PAFAH1B1: variants seen among roughly 807,000 people sequenced by gnomAD.
PAFAH1B1 encodes platelet-activating factor acetylhydrolase IB subunit beta.
In PAFAH1B1, 2 loss-of-function variants were observed where a neutral mutation model predicts 57.5. The ratio of observed to expected loss-of-function variants is 0.03; its 90% CI spans 0.01 to 0.11. The LOEUF is 0.11. Ranked by LOEUF, PAFAH1B1 falls within the 10% of genes least tolerant of loss-of-function variation. The probability of loss-of-function intolerance (pLI) is 1.00; values close to 1 mark genes in which losing one functional copy is unlikely to be tolerated. For synonymous variants in PAFAH1B1, 152 were observed against 169.6 expected, an observed-to-expected ratio of 0.90 and a Z score of 0.81; for missense variants, 257 against 512.0, an observed-to-expected ratio of 0.50 and a Z score of 4.81.
rs1303738051 is a variant in PAFAH1B1 at position 2,684,080 on chromosome 17, T to C, written c.*2278T>C. 1 of 152,670 alleles carries C rather than the reference T, an allele frequency of 6.6e-6. No homozygotes were observed. Among genetic ancestry groups the C allele is most frequent in the Non-Finnish European group, 1.5e-5 (1 of 68,048 alleles). 9.5% of individuals were successfully genotyped at this position (152,670 alleles called of 1,614,324 possible). ...GAAACGATTACTCTGTAAACAAAGT[T>C]ATCCTTACTTGGGAGATTGCCACAG... On this transcript the variant is annotated 3_prime_UTR_variant, in exon 11 of 11. Transcript: ENST00000397195.
chr17:2,609,310 C>T (rs996034811), intron 1 of PAFAH1B1, among the ~76,000 whole-genome samples: 15 of 148,452 alleles, frequency 1.0e-4, no homozygotes, highest in Non-Finnish European at 3.0e-5. Flanking sequence ...GCGCCCGGCT[C>T]CCGCTGCCTG....
intron 8 of PAFAH1B1, among the ~76,000 whole-genome samples, chr17:2,675,650 A>G (rs963017572): frequency 1.5e-5 from 2 of 131,282 alleles, no homozygotes; most frequent in African/African-American, 5.4e-5. Flanking sequence ...TTTTTTTTTT[A>G]AACTCACCAC....
chr17:2,680,412 A>T (rs1207357025), intron 10 of PAFAH1B1, 92 bp downstream of exon 10: 1 of 1,136,878 alleles, frequency 8.8e-7, no homozygotes, highest in Non-Finnish European at 1.3e-6. Flanking sequence ...GCCAGGTAAG[A>T]AATGACTGTG....
chr17:2,649,927 A>G (rs2068825837), intron 2 of PAFAH1B1, among the ~76,000 whole-genome samples: 1 of 152,230 alleles, frequency 6.6e-6, no homozygotes, highest in South Asian at 2.1e-4. Context: ...ATAAGGTGGT[A>G]TTAAAAGCCT....
intron 1 of PAFAH1B1, among the ~76,000 whole-genome samples, chr17:2,625,751 C>T (rs1348486437): frequency 2.6e-5 from 4 of 152,104 alleles, no homozygotes; most frequent in Admixed American, 1.3e-4. Flanking sequence ...CATAGCGGGA[C>T]CCCGTCTCTA....
At chr17:2,660,150 C>G (rs1297200558) in intron 2 of PAFAH1B1, among the ~76,000 whole-genome samples, 1 of 151,916 alleles carries the variant, frequency 6.6e-6, no homozygotes, top group Non-Finnish European at 1.5e-5. Context: ...TTTGTTGGGC[C>G]CCTGGACCTT....
chr17:2,666,122 G>A, intron 4 of PAFAH1B1, 32 bp downstream of exon 4: 1 of 1,400,010 alleles, frequency 7.1e-7, no homozygotes, highest in Non-Finnish European at 9.8e-7. Flanking sequence ...AAAATTAGTT[G>A]TATTCAGTTA....
chr17:2,672,648 G>C lies in PAFAH1B1; in HGVS notation c.569-7G>C. 1 of 1,584,580 alleles carries C rather than the reference G, an allele frequency of 6.3e-7. No individual in the cohort carries two copies. The highest frequency in any genetic ancestry group is 8.7e-7 in the Non-Finnish European group (1 of 1,153,236). On this transcript the variant is annotated splice_region_variant and splice_polypyrimidine_tract_variant and intron_variant, in intron 6 of 10. Transcript: ENST00000397195. ...ACTTCATAATATATTGCTGTTATGT[G>C]TTTTAGGCCATGACCACAATGTTTC...
intron 1 of PAFAH1B1, among the ~76,000 whole-genome samples, chr17:2,615,124 A>G (rs544741152): frequency 6.6e-6 from 1 of 152,298 alleles, no homozygotes; most frequent in East Asian, 1.9e-4. Context: ...GAACAATACA[A>G]TATAACAACT....
At position 2,674,818 on chromosome 17, in the gene PAFAH1B1, T is replaced by C. The variant is rs182596818; in HGVS notation, c.900+530T>C. On this transcript the variant is annotated intron_variant, in intron 8 of 10. Coordinates refer to ENST00000397195, the MANE Select transcript of PAFAH1B1 (RefSeq NM_000430.4). The stretch of plus-strand genomic sequence containing the variant: ...GGAGTTTTAACGCATTTCTTTGTGA[T>C]CTTTATGGTTTTGGTCTTTATTATT... Among the ~76,000 whole-genome samples the C allele has an allele frequency of 1.4e-3, 211 of 152,290 alleles. 1 individual carries two copies. Among genetic ancestry groups the C allele is most frequent in the African/African-American group, 4.8e-3 (201 of 41,566 alleles).
chr17:2,646,525 T>C (rs1280084360), intron 2 of PAFAH1B1, among the ~76,000 whole-genome samples: 1 of 152,122 alleles, frequency 6.6e-6, no homozygotes, highest in Non-Finnish European at 1.5e-5. Context: ...TGGTGGCACA[T>C]GCCTGTAATC....
At chr17:2,623,831 G>A (rs1466491741) in intron 1 of PAFAH1B1, among the ~76,000 whole-genome samples, 1 of 145,018 alleles carries the variant, frequency 6.9e-6, no homozygotes, top group Non-Finnish European at 1.5e-5. Context: ...TAGAGATGGG[G>A]TTTCACCATG....
At chr17:2,654,926 G>C (rs927023189) in intron 2 of PAFAH1B1, among the ~76,000 whole-genome samples, 3 of 151,538 alleles carry the variant, frequency 2.0e-5, no homozygotes, top group African/African-American at 7.3e-5. Flanking sequence ...ACAGGTGTGA[G>C]CCACCCTGCG....
chr17:2,684,048 G>GTTT lies in PAFAH1B1; in HGVS notation c.*2246_*2247insTTT. The GTTT allele has an allele frequency of 6.5e-6, 1 of 152,792 alleles. No individual in the cohort carries two copies. The highest frequency in any genetic ancestry group is 1.5e-5 in the Non-Finnish European group (1 of 68,048). The allele number at this position is 152,792 out of a possible 1,614,324, so 9.5% of individuals were successfully genotyped here. A position where few individuals can be genotyped will look rare whatever the true frequency, so the allele number is the denominator to read the frequency against. On this transcript the variant is annotated 3_prime_UTR_variant, in exon 11 of 11. Transcript: ENST00000397195. ...GCACACAGCGACTTGCGTTGACAAAGGAGGAGGAAACGATTACTCTGTAAA... is the reference window on the plus strand; with the variant it reads ...GCACACAGCGACTTGCGTTGACAAAGTTTGAGGAGGAAACGATTACTCTGTAAA...
At chr17:2,611,208 G>A (rs2068262898) in intron 1 of PAFAH1B1, among the ~76,000 whole-genome samples, 1 of 152,106 alleles carries the variant, frequency 6.6e-6, no homozygotes, top group Non-Finnish European at 1.5e-5. Flanking sequence ...GGTGACTCAT[G>A]CCTATAATCT....
intron 2 of PAFAH1B1, among the ~76,000 whole-genome samples, chr17:2,644,838 G>A (rs1772862768): frequency 6.6e-6 from 1 of 152,078 alleles, no homozygotes; most frequent in African/African-American, 2.4e-5. Flanking sequence ...AAGTATTTAA[G>A]CATTATGATA....
intron 4 of PAFAH1B1, among the ~76,000 whole-genome samples, chr17:2,666,327 A>G (rs1803792833): frequency 6.6e-6 from 1 of 152,214 alleles, no homozygotes; most frequent in Non-Finnish European, 1.5e-5. Flanking sequence ...TGAGGAATTG[A>G]TACTGAAAGA....
intron 9 of PAFAH1B1, among the ~76,000 whole-genome samples, chr17:2,677,271 C>G (rs546352459): frequency 6.6e-6 from 1 of 152,274 alleles, no homozygotes; most frequent in South Asian, 2.1e-4. Context: ...TATATGAATC[C>G]TTTTAACTGT....
At chr17:2,679,940 G>T in intron 9 of PAFAH1B1, 1 of 553,768 alleles carries the variant, frequency 1.8e-6, no homozygotes, top group Non-Finnish European at 3.2e-6. Flanking sequence ...TGCCCTGCGG[G>T]ACTTCTTTTT....
Sources: allele counts gnomAD v4.1 joint callset (sites outside exome capture counted in the v4.1 genomes callset), GRCh38; gene constraint gnomAD v4.1.1; transcripts MANE v1.5; gene names NCBI Gene and HGNC (gene_info 2026-07-23, HGNC 2026-07-21).